The following FAM217B variants were observed in gnomAD, a reference collection of about 807,000 sequenced individuals.
The protein encoded by FAM217B is family with sequence similarity 217 member B.
For missense variants in FAM217B, 463 were observed against 456.9 expected, an observed-to-expected ratio of 1.01 and a Z score of -0.12; for synonymous variants, 163 against 173.0, an observed-to-expected ratio of 0.94 and a Z score of 0.45.
At chr20:59,939,065 C>A (rs777796623), upstream of FAM217B, 9 of 1,564,680 alleles carry the variant, frequency 5.8e-6, no homozygotes, top group Non-Finnish European at 7.8e-6. Context: ...CTTCGCACTC[C>A]CCGCGAGGCA....
Position 59,943,951 on chromosome 20 carries a change from C to A in FAM217B, c.8C>A (p.Ala3Asp). 1 of 1,596,750 alleles carries A rather than the reference C, an allele frequency of 6.3e-7. No homozygotes were observed. The change falls in exon 4 of 4, where the codon GCT (alanine) becomes GAT (aspartate). Residue 3 changes from alanine to aspartate, a missense_variant. Transcript: ENST00000360816. MN[A>D]GPSWNKVQHS... is the part of the protein sequence containing the mutation. The stretch of plus-strand genomic sequence containing the variant: ...TTATTTTCTCACAGCAATATGAATG[C>A]TGGCCCATCTTGGAATAAAGTGCAA...
rs1187910077 is a variant in FAM217B at position 59,948,649 on chromosome 20, A to G, written c.*3554A>G. The G allele has an allele frequency of 1.2e-5, 2 of 166,928 alleles. No individual in the cohort carries two copies. The highest frequency in any genetic ancestry group is 4.8e-5 in the African/African-American group (2 of 41,444). The allele number at this position is 166,928 out of a possible 1,614,324, so 10.3% of individuals were successfully genotyped here. ...GGACTTGAATTTCTCCTTCCTTGAGATCAATTAAACAGCAGAAAAATATTG... is the reference window on the plus strand; with the variant it reads ...GGACTTGAATTTCTCCTTCCTTGAGGTCAATTAAACAGCAGAAAAATATTG... On this transcript the variant is annotated 3_prime_UTR_variant, in exon 4 of 4. Transcript: ENST00000360816.
In FAM217B at chr20:59,943,969, A is replaced by G; in HGVS notation, c.26A>G (p.Lys9Arg). 6.2e-7 allele frequency: 1 copy of G among 1,605,870 alleles called. No homozygotes were observed. The highest frequency in any genetic ancestry group is 8.5e-7 in the Non-Finnish European group (1 of 1,177,268). Residue 9 changes from lysine to arginine, a missense_variant, in exon 4 of 4, where the codon AAA (lysine) becomes AGA (arginine). By Grantham distance (26) the Lys-to-Arg change is conservative (BLOSUM62 2). Transcript: ENST00000360816. Reference protein sequence around the residue: MNAGPSWNKVQHSKNSSGK... With the variant: MNAGPSWNRVQHSKNSSGK... ...ATGAATGCTGGCCCATCTTGGAATA[A>G]AGTGCAACATTCAAAGAATTCTTCA...
chr20:59,939,692 C>T, upstream of FAM217B: 2 of 1,414,174 alleles, frequency 1.4e-6, no homozygotes, highest in Non-Finnish European at 9.2e-7. Context: ...TCTGGCGGCG[C>T]TCGGGGGAGC....
Position 59,947,179 on chromosome 20 carries a change from G to T in FAM217B, c.*2084G>T, listed in dbSNP as rs1194688723. The T allele has an allele frequency of 6.0e-6, 1 of 167,086 alleles. No individual in the cohort carries two copies. The highest frequency in any genetic ancestry group is 2.4e-5 in the African/African-American group (1 of 41,446). 10.4% of individuals were successfully genotyped at this position (167,086 alleles called of 1,614,324 possible). On this transcript the variant is annotated 3_prime_UTR_variant, in exon 4 of 4. Coordinates refer to ENST00000360816, the MANE Select transcript of FAM217B (RefSeq NM_022106.3). ...ATTTATTAGTAATTCTACTTGCCTT[G>T]TGTATGTCTGAGCTGAAAACAATCG...
chr20:59,939,955 G>A (rs754969344), upstream of FAM217B: 17 of 1,261,066 alleles, frequency 1.3e-5, no homozygotes, highest in Non-Finnish European at 1.7e-5. Flanking sequence ...GTCGGAAGAT[G>A]AGGCAGGGAT....
chr20:59,938,946 AC>A, upstream of FAM217B: 4 of 1,330,734 alleles, frequency 3.0e-6, no homozygotes, highest in Non-Finnish European at 3.0e-6. Flanking sequence ...GTGAAGAACA[AC>A]CAGATAGATG....
rs779330665 is a variant in FAM217B, at chr20:59,944,344, G to A, written c.401G>A (p.Gly134Asp). 1.4e-5 allele frequency: 23 copies of A among 1,613,926 alleles called. No homozygotes were observed. The highest frequency in any genetic ancestry group is 1.9e-5 in the Non-Finnish European group (22 of 1,180,018). The change falls in exon 4 of 4, where the codon GGC (glycine) becomes GAC (aspartate). Residue 134 changes from glycine to aspartate, a missense_variant. Coordinates refer to ENST00000360816, the MANE Select transcript of FAM217B (RefSeq NM_022106.3). ...TACTTTGATCTTCACCCTGGTCAGG[G>A]CCATACAAAACCTGAATACTATTAT... The part of the protein sequence containing the change: ...PVYFDLHPGQ[G>D]HTKPEYYYPN...
chr20:59,939,139 C>CGG (rs752611882), upstream of FAM217B: 22 of 1,603,396 alleles, frequency 1.4e-5, no homozygotes, highest in South Asian at 2.3e-4. Context: ...TCCCAGTACT[C>CGG]GGCACCCGCC....
chr20:59,939,875 G>A (rs2060889287), upstream of FAM217B: 1 of 1,248,452 alleles, frequency 8.0e-7, no homozygotes, highest in Non-Finnish European at 1.0e-6. Context: ...TCCGGGGGCC[G>A]AGCTTCCGGG....
chr20:59,937,603 T>C (rs2060869722), upstream of FAM217B: 1 of 152,232 alleles, frequency 6.6e-6, no homozygotes, highest in Non-Finnish European at 1.5e-5. Flanking sequence ...AGCATAAAAT[T>C]GATCAGACTG....
intron 1 of FAM217B, among the ~76,000 whole-genome samples, chr20:59,941,769 G>C (rs2060906812): frequency 6.6e-6 from 1 of 152,138 alleles, no homozygotes; most frequent in Non-Finnish European, 1.5e-5. Flanking sequence ...CATTTTTCTG[G>C]GTACTCCTGT....
At position 59,944,743 on chromosome 20, in the gene FAM217B, C is replaced by A; in HGVS notation, c.800C>A (p.Ser267Tyr). The change falls in exon 4 of 4, where the codon TCC (serine) becomes TAC (tyrosine). Residue 267 changes from serine to tyrosine, a missense_variant. Ser to Tyr is a moderately radical substitution (Grantham distance 144). Transcript: ENST00000360816. ...CCATCACATTATGCATTTGAGACTT[C>A]CCCTAGACCCATTGATGTGCTTGGT... ...IHPSHYAFET[S>Y]PRPIDVLGGT... 6 of 1,614,174 alleles carry A rather than the reference C, an allele frequency of 3.7e-6. No individual in the cohort carries two copies. The highest frequency in any genetic ancestry group is 5.1e-6 in the Non-Finnish European group (6 of 1,180,030).
rs1016426487 is a variant in FAM217B at position 59,945,716 on chromosome 20, C to T, written c.*621C>T. 1 of 166,854 alleles carries T rather than the reference C, an allele frequency of 6.0e-6. No homozygotes were observed. Among genetic ancestry groups the T allele is most frequent in the African/African-American group, 2.4e-5 (1 of 41,388 alleles). 10.3% of individuals were successfully genotyped at this position (166,854 alleles called of 1,614,324 possible). ...GACAGTGGAATCTAGTACTTTAATA[C>T]ATTTTCTCTGACATGGTTTTTTTTT... is the stretch of plus-strand genomic sequence containing the variant. On this transcript the variant is annotated 3_prime_UTR_variant, in exon 4 of 4. Coordinates refer to ENST00000360816, the MANE Select transcript of FAM217B (RefSeq NM_022106.3).
chr20:59,939,466 C>T (rs781332810), upstream of FAM217B: 7 of 1,612,024 alleles, frequency 4.3e-6, no homozygotes, highest in South Asian at 6.6e-5. Flanking sequence ...AAATCGGGCA[C>T]CAGGCAATGC....
chr20:59,937,378 T>C (rs2060868422), upstream of FAM217B: 1 of 152,676 alleles, frequency 6.5e-6, no homozygotes, highest in Non-Finnish European at 1.5e-5. Context: ...AGCCAGAGAT[T>C]GTGCAATTTA....
Position 59,948,218 on chromosome 20 carries a change from T to C in FAM217B, c.*3123T>C, listed in dbSNP as rs987338037. On this transcript the variant is annotated 3_prime_UTR_variant, in exon 4 of 4. Coordinates refer to ENST00000360816, the MANE Select transcript of FAM217B (RefSeq NM_022106.3). ...TAGATGACTAAATGGGCTGAAGACT[T>C]GTAACTAACTTGAATAGGATAGACT... 1.2e-5 allele frequency: 2 copies of C among 167,056 alleles called. No homozygotes were observed. Among genetic ancestry groups the C allele is most frequent in the Non-Finnish European group, 2.9e-5 (2 of 68,110 alleles). The allele number at this position is 167,056 out of a possible 1,614,324, so 10.3% of individuals were successfully genotyped here. A position where few individuals can be genotyped will look rare whatever the true frequency, so the allele number is the denominator to read the frequency against.
Position 59,945,265 on chromosome 20 carries a change from G to C in FAM217B, c.*170G>C. On this transcript the variant is annotated 3_prime_UTR_variant, in exon 4 of 4. Coordinates refer to ENST00000360816, the MANE Select transcript of FAM217B (RefSeq NM_022106.3). ...ACCCTGAGTGGGGTTATTTTCAAAG[G>C]GAAGTGTCTTTCAATAAGCCTTTCT... 1 of 588,480 alleles carries C rather than the reference G, an allele frequency of 1.7e-6. No homozygotes were observed. The highest frequency in any genetic ancestry group is 2.9e-6 in the Non-Finnish European group (1 of 340,668). The allele number at this position is 588,480 out of a possible 1,614,324, so 36.5% of individuals were successfully genotyped here. A position where few individuals can be genotyped will look rare whatever the true frequency, so the allele number is the denominator to read the frequency against.
In FAM217B at chr20:59,947,767, T is replaced by G. The variant is rs2060945638; in HGVS notation, c.*2672T>G. On this transcript the variant is annotated 3_prime_UTR_variant, in exon 4 of 4. Transcript: ENST00000360816. Reference sequence around the variant, plus strand: ...AGTTAGGTCTATTACAGAATTAACATAAGCACAATTTTAATTTTATGATAT... The same window carrying G: ...AGTTAGGTCTATTACAGAATTAACAGAAGCACAATTTTAATTTTATGATAT... 1.2e-5 allele frequency: 2 copies of G among 167,078 alleles called. No individual in the cohort carries two copies. Among genetic ancestry groups the G allele is most frequent in the Admixed American group, 6.5e-5 (1 of 15,288 alleles). The allele number at this position is 167,078 out of a possible 1,614,324, so 10.3% of individuals were successfully genotyped here. A position where few individuals can be genotyped will look rare whatever the true frequency, so the allele number is the denominator to read the frequency against.
Sources: gnomAD v4.1 joint callset for allele counts (sites outside exome capture counted in the v4.1 genomes callset) on GRCh38, gnomAD v4.1.1 for gene constraint, MANE v1.5 for transcripts, NCBI Gene and HGNC (gene_info 2026-07-23, HGNC 2026-07-21) for gene names.